Variants in SPAG16 observed in about 807,000 individuals in gnomAD.
SPAG16 encodes sperm associated antigen 16.
Under a neutral mutation model 80.4 loss-of-function variants are expected in SPAG16, and 86 were observed. The ratio of observed to expected loss-of-function variants is 1.07; its 90% CI spans 0.90 to 1.28. The LOEUF is 1.28. Among genes scored for constraint, SPAG16 ranks in the 50% most tolerant of loss-of-function variants. The pLI is 0.00. For missense variants in SPAG16, 870 were observed against 765.3 expected (o/e 1.14, Z -1.61); for synonymous variants, 294 against 265.9 (o/e 1.11, Z -1.03).
At chr2:213,632,454 C>A (rs1248920616) in intron 10 of SPAG16, among the ~76,000 whole-genome samples, 1 of 152,050 alleles carries the variant, frequency 6.6e-6, no homozygotes, top group Non-Finnish European at 1.5e-5. Context: ...ACTTGGATGA[C>A]CTTTATATCT....
intron 5 of SPAG16, among the ~76,000 whole-genome samples, chr2:213,329,552 G>T (rs772120320): frequency 6.6e-6 from 1 of 152,152 alleles, no homozygotes; most frequent in African/African-American, 2.4e-5. Flanking sequence ...GCATCAAAGC[G>T]TTCAAGAGGT....
intron 14 of SPAG16, 41 bp downstream of exon 14, chr2:214,108,302 T>G (rs770767886): frequency 2.1e-6 from 3 of 1,459,882 alleles, no homozygotes; most frequent in Non-Finnish European, 2.8e-6. Context: ...TAATGCTTCA[T>G]ATATACAAAT....
At chr2:213,812,752 TTG>T (rs1491032812) in intron 10 of SPAG16, among the ~76,000 whole-genome samples, 2 of 152,186 alleles carry the variant, frequency 1.3e-5, no homozygotes, top group Non-Finnish European at 2.9e-5. Flanking sequence ...TTAGCATTTT[TTG>T]TTTTATTACA....
chr2:214,123,539 G>T (rs562133583), intron 14 of SPAG16, among the ~76,000 whole-genome samples: 2 of 151,942 alleles, frequency 1.3e-5, no homozygotes, highest in Non-Finnish European at 2.9e-5. Context: ...AATCTAAATA[G>T]TGAGAGTTCA....
intron 11 of SPAG16, among the ~76,000 whole-genome samples, chr2:213,863,298 C>T (rs989270014): frequency 1.3e-5 from 2 of 152,098 alleles, no homozygotes; most frequent in Non-Finnish European, 2.9e-5. Context: ...GGCCTGATTA[C>T]TTTTTTAACC....
intron 13 of SPAG16, among the ~76,000 whole-genome samples, chr2:214,041,268 T>C (rs1164464744): frequency 6.6e-6 from 1 of 151,976 alleles, no homozygotes; most frequent in African/African-American, 2.4e-5. Flanking sequence ...TTAATTTAGT[T>C]TGGAGTATTG....
At chr2:213,385,755 T>C (rs1483616732) in intron 9 of SPAG16, among the ~76,000 whole-genome samples, 1 of 150,990 alleles carries the variant, frequency 6.6e-6, no homozygotes, top group African/African-American at 2.4e-5. Flanking sequence ...AGATTTAAGA[T>C]TTTTAAGTAC....
At chr2:213,939,779 T>A (rs1162255782) in intron 12 of SPAG16, among the ~76,000 whole-genome samples, 4 of 152,126 alleles carry the variant, frequency 2.6e-5, no homozygotes, top group African/African-American at 9.7e-5. Context: ...AAGTATACAT[T>A]AGCAAGAATC....
intron 10 of SPAG16, among the ~76,000 whole-genome samples, chr2:213,851,611 A>G (rs2074914648): frequency 1.3e-5 from 2 of 152,192 alleles, no homozygotes; most frequent in South Asian, 2.1e-4. Context: ...CTAAGTCACT[A>G]CATAAGGCCT....
chr2:213,378,125 G>A (rs2066987493), intron 9 of SPAG16, among the ~76,000 whole-genome samples: 1 of 152,058 alleles, frequency 6.6e-6, no homozygotes, highest in Admixed American at 6.5e-5. Flanking sequence ...GGCTAGGCCA[G>A]TCTGGTCTTT....
In SPAG16 at chr2:214,204,080, G is replaced by T. The variant is rs192039270; in HGVS notation, c.1720+54814G>T. ...CTTTCCCCCACTTCCCTGGTGACTT[G>T]CATGATGCATCAGAGGCAGCCATAA... On this transcript the variant is annotated intron_variant, in intron 15 of 15. Coordinates refer to ENST00000331683, the MANE Select transcript of SPAG16 (RefSeq NM_024532.5). Among the ~76,000 whole-genome samples, 582 of 152,238 alleles carry T rather than the reference G, an allele frequency of 3.8e-3. 5 individuals carry two copies. Among genetic ancestry groups the T allele is most frequent in the African/African-American group, 0.014 (564 of 41,540 alleles).
rs1479409868 is a variant in SPAG16 at position 213,889,427 on chromosome 2, C to A, written c.1214+26799C>A. ...CTTGTGGTTATATTTCCTTGGGCAACAAAATAGATTTTTTTTTTAAATCTA... is the reference window on the plus strand; with the variant it reads ...CTTGTGGTTATATTTCCTTGGGCAAAAAAATAGATTTTTTTTTTAAATCTA... On this transcript the variant is annotated intron_variant, in intron 11 of 15. Coordinates refer to ENST00000331683, the MANE Select transcript of SPAG16 (RefSeq NM_024532.5). Among the ~76,000 whole-genome samples the A allele has an allele frequency of 5.3e-5, 8 of 151,288 alleles. No homozygotes were observed. The East Asian group carries it at 1.5e-3, about 29-fold the overall frequency.
intron 10 of SPAG16, among the ~76,000 whole-genome samples, chr2:213,830,286 A>G (rs1266746874): frequency 6.6e-6 from 1 of 152,170 alleles, no homozygotes; most frequent in Non-Finnish European, 1.5e-5. Flanking sequence ...GTTCCAATGC[A>G]AAATCCCACC....
chr2:213,637,604 T>C, intron 10 of SPAG16, among the ~76,000 whole-genome samples: 1 of 152,200 alleles, frequency 6.6e-6, no homozygotes, highest in Admixed American at 6.5e-5. Context: ...TTTTTAATTA[T>C]CATTTCAATC....
chr2:213,992,405 CTT>C (rs2046328281), intron 12 of SPAG16, among the ~76,000 whole-genome samples: 1 of 152,150 alleles, frequency 6.6e-6, no homozygotes, highest in Non-Finnish European at 1.5e-5. Context: ...CATTATGTCT[CTT>C]GGTGTAGTTG....
intron 15 of SPAG16, among the ~76,000 whole-genome samples, chr2:214,297,582 T>C (rs187678436): frequency 3.3e-5 from 5 of 152,248 alleles, no homozygotes. Context: ...TATTGTTTAT[T>C]ATCATTGTTT....
chr2:213,707,405 T>C (rs2065804628), intron 10 of SPAG16, among the ~76,000 whole-genome samples: 1 of 152,250 alleles, frequency 6.6e-6, no homozygotes, highest in African/African-American at 2.4e-5. Flanking sequence ...TCACTCTTCA[T>C]GTCAAGTTAT....
intron 10 of SPAG16, among the ~76,000 whole-genome samples, chr2:213,830,965 ACT>A (rs1326384323): frequency 2.0e-5 from 3 of 149,934 alleles, no homozygotes; most frequent in African/African-American, 7.4e-5. Context: ...CTGATTTATA[ACT>A]CTTTCTCAAA....
At chr2:213,754,289 G>C (rs1487874344) in intron 10 of SPAG16, among the ~76,000 whole-genome samples, 2 of 152,106 alleles carry the variant, frequency 1.3e-5, no homozygotes, top group Non-Finnish European at 2.9e-5. Flanking sequence ...ATTGAGGCTA[G>C]TTTTCTTAAT....
Sources: gnomAD v4.1 joint callset for allele counts (sites outside exome capture counted in the v4.1 genomes callset) on GRCh38, gnomAD v4.1.1 for gene constraint, MANE v1.5 for transcripts, NCBI Gene and HGNC (gene_info 2026-07-23, HGNC 2026-07-21) for gene names.